The following GPR19 variants were observed in gnomAD, a reference collection of about 807,000 sequenced individuals.
GPR19 encodes probable G protein-coupled receptor 19.
Under a neutral mutation model 28.5 loss-of-function variants are expected in GPR19, and 14 were observed. That is an observed-to-expected ratio of 0.49 (90% CI 0.32 to 0.77). GPR19 has a LOEUF of 0.77. Ranked by LOEUF, GPR19 falls within the 30% of genes least tolerant of loss-of-function variation. GPR19 has a pLI of 0.03. For synonymous variants in GPR19, 173 were observed against 184.1 expected, an observed-to-expected ratio of 0.94 and a Z score of 0.49; for missense variants, 409 against 504.1, an observed-to-expected ratio of 0.81 and a Z score of 1.81.
At chr12:12,703,339 C>G in the GPR19 span, 1 of 977,448 alleles carries the variant, frequency 1.0e-6, no homozygotes, top group Non-Finnish European at 1.2e-6. Flanking sequence ...CACAGTCTCA[C>G]TTTTTACCAC....
At chr12:12,707,619 G>A in the GPR19 span, among the ~76,000 whole-genome samples, 1 of 152,222 alleles carries the variant, frequency 6.6e-6, no homozygotes, top group East Asian at 1.9e-4. Context: ...CAGAATCAGG[G>A]AAAATGTTCT....
chr12:12,668,039 T>A (rs1945807255), intron 3 of GPR19, among the ~76,000 whole-genome samples: 1 of 152,216 alleles, frequency 6.6e-6, no homozygotes, highest in Non-Finnish European at 1.5e-5. Flanking sequence ...AATGTACCTG[T>A]GCTTGACTTT....
chr12:12,669,082 G>A (rs1945821495), intron 3 of GPR19: 1 of 152,228 alleles, frequency 6.6e-6, no homozygotes. Context: ...CATTCAAAGA[G>A]AGGAATACAA....
At chr12:12,715,726 CT>C in the GPR19 span, 13 of 152,284 alleles carry the variant, frequency 8.5e-5, no homozygotes, top group African/African-American at 3.1e-4. Flanking sequence ...TGTTAGGAGA[CT>C]TGCATCTAGT....
the GPR19 span, among the ~76,000 whole-genome samples, chr12:12,711,949 A>C: frequency 6.6e-6 from 1 of 152,076 alleles, no homozygotes; most frequent in Non-Finnish European, 1.5e-5. Flanking sequence ...ATAACTCATC[A>C]TCCTCCAAAA....
At chr12:12,687,902 G>A (rs1946118219) in intron 2 of GPR19, among the ~76,000 whole-genome samples, 1 of 152,226 alleles carries the variant, frequency 6.6e-6, no homozygotes, top group African/African-American at 2.4e-5. Flanking sequence ...AGGCTTCAGT[G>A]AGCTCTGATA....
chr12:12,686,424 G>C (rs943563948), intron 2 of GPR19, among the ~76,000 whole-genome samples: 1 of 152,194 alleles, frequency 6.6e-6, no homozygotes, highest in African/African-American at 2.4e-5. Context: ...AGATATTGAA[G>C]AAATTCTTTG....
At chr12:12,699,257 A>T (rs1946301260), upstream of GPR19, among the ~76,000 whole-genome samples, 1 of 151,392 alleles carries the variant, frequency 6.6e-6, no homozygotes, top group Non-Finnish European at 1.5e-5. Context: ...CAGGAGAATC[A>T]CTTGAACCTG....
intron 3 of GPR19, among the ~76,000 whole-genome samples, chr12:12,669,517 G>A (rs1411576456): frequency 6.6e-6 from 1 of 152,124 alleles, no homozygotes; most frequent in Non-Finnish European, 1.5e-5. Context: ...GTTTACATGT[G>A]AAAATGAGAA....
chr12:12,716,738 T>C, the GPR19 span: 4 of 985,182 alleles, frequency 4.1e-6, no homozygotes, highest in Admixed American at 6.2e-5. Context: ...GCTTCTTCCC[T>C]AGGCCCCCAG....
At chr12:12,706,320 C>A in the GPR19 span, among the ~76,000 whole-genome samples, 1 of 152,170 alleles carries the variant, frequency 6.6e-6, no homozygotes, top group South Asian at 2.1e-4. Flanking sequence ...TCTCTCTTGG[C>A]TCTCCTCCAC....
At chr12:12,714,296 C>T in the GPR19 span, among the ~76,000 whole-genome samples, 1 of 152,138 alleles carries the variant, frequency 6.6e-6, no homozygotes, top group Non-Finnish European at 1.5e-5. Context: ...AAACTGTGTG[C>T]TTGCGGTGGG....
chr12:12,715,966 C>G, the GPR19 span: 2 of 152,232 alleles, frequency 1.3e-5, no homozygotes, highest in Non-Finnish European at 2.9e-5. Flanking sequence ...CTTAAGAAAA[C>G]TTTGCTGCTG....
At chr12:12,684,202 A>G (rs1280322052) in intron 3 of GPR19, 149 bp downstream of exon 3, 1 of 152,128 alleles carries the variant, frequency 6.6e-6, no homozygotes, top group Non-Finnish European at 1.5e-5. Context: ...AGAACTACCT[A>G]GGCATCTTTT....
the GPR19 span, among the ~76,000 whole-genome samples, chr12:12,709,537 C>T: frequency 6.6e-6 from 1 of 152,262 alleles, no homozygotes; most frequent in East Asian, 1.9e-4. Flanking sequence ...ATCTCCTGGG[C>T]TCAAGGGATC....
At chr12:12,662,496 C>A in intron 3 of GPR19, 26 bp from the exon 4 acceptor site, 2 of 1,550,492 alleles carry the variant, frequency 1.3e-6, no homozygotes, top group East Asian at 2.2e-5. Flanking sequence ...AAGAATGAGG[C>A]CTCCTGTTAA....
chr12:12,662,576 A>C, intron 3 of GPR19, 106 bp from the exon 4 acceptor site: 1 of 900,444 alleles, frequency 1.1e-6, no homozygotes, highest in Non-Finnish European at 1.7e-6. Context: ...ATTGATTGTC[A>C]TTTGTCTTTG....
chr12:12,686,111 C>T (rs1354607286), intron 2 of GPR19, among the ~76,000 whole-genome samples: 1 of 152,160 alleles, frequency 6.6e-6, no homozygotes, highest in African/African-American at 2.4e-5. Flanking sequence ...TGGCATATAA[C>T]TTGTTGTTTC....
intron 3 of GPR19, among the ~76,000 whole-genome samples, chr12:12,679,286 A>G (rs1945984153): frequency 6.6e-6 from 1 of 152,010 alleles, no homozygotes; most frequent in Admixed American, 6.6e-5. Flanking sequence ...GAAGCCAAGG[A>G]TGCTGCTAAA....
Sources: gnomAD v4.1 joint callset for allele counts (sites outside exome capture counted in the v4.1 genomes callset) on GRCh38, gnomAD v4.1.1 for gene constraint, MANE v1.5 for transcripts, NCBI Gene and HGNC (gene_info 2026-07-23, HGNC 2026-07-21) for gene names.